Variants in TMED3 observed in about 807,000 individuals in gnomAD.
TMED3 encodes transmembrane p24 trafficking protein 3.
Under a neutral mutation model 15.0 loss-of-function variants are expected in TMED3, and 9 were observed. The observed-to-expected ratio is 0.60, with a 90% CI of 0.36 to 1.04. The LOEUF (loss-of-function observed/expected upper bound fraction) is 1.04. Among genes scored for constraint, TMED3 ranks in the 50% least tolerant of loss-of-function variants. The probability of loss-of-function intolerance (pLI) is 0.01; values close to 1 mark genes in which losing one functional copy is unlikely to be tolerated. For missense variants in TMED3, 267 were observed against 278.9 expected (o/e 0.96, Z 0.30); for synonymous variants, 117 against 121.4 (o/e 0.96, Z 0.24).
In TMED3 at chr15:79,332,138, C is replaced by T. The variant is rs148645339; in HGVS notation, c.417+18133C>T. 3.2e-4 allele frequency among the ~76,000 whole-genome samples: 48 copies of T among 152,268 alleles called. No individual in the cohort carries two copies. In the East Asian group the frequency reaches 7.5e-3, roughly 24 times the overall value. On this transcript the variant is annotated intron_variant, in intron 2 of 2. Transcript: ENST00000424155. ...ACCAAATGAAAAGTGAGGCAATAGC[C>T]GTAGCATCTGACAAAATAGAATTCA...
intron 2 of TMED3, among the ~76,000 whole-genome samples, chr15:79,363,841 A>G (rs966509165): frequency 6.6e-6 from 1 of 152,220 alleles, no homozygotes; most frequent in African/African-American, 2.4e-5. Context: ...TCGCAGCAAG[A>G]CAAAGTACGG....
intron 2 of TMED3, among the ~76,000 whole-genome samples, chr15:79,338,502 C>T (rs775879579): frequency 3.2e-4 from 49 of 152,142 alleles, no homozygotes; most frequent in Admixed American, 6.5e-4. Flanking sequence ...GCAAGCCACC[C>T]AGGTGCCGAG....
intron 2 of TMED3, among the ~76,000 whole-genome samples, chr15:79,319,102 T>C (rs1057385529): frequency 6.6e-6 from 1 of 152,168 alleles, no homozygotes; most frequent in Non-Finnish European, 1.5e-5. Context: ...GGGGGACAAA[T>C]AGGCTTGTTC....
chr15:79,408,381 A>G (rs1893929331), intron 2 of TMED3, among the ~76,000 whole-genome samples: 1 of 152,194 alleles, frequency 6.6e-6, no homozygotes, highest in South Asian at 2.1e-4. Context: ...TATAGCATCT[A>G]TGATCTGAGT....
chr15:79,351,141 A>C (rs748525460), intron 2 of TMED3, among the ~76,000 whole-genome samples: 2 of 152,230 alleles, frequency 1.3e-5, no homozygotes, highest in Non-Finnish European at 2.9e-5. Flanking sequence ...AGTTGCCATC[A>C]TGATAGGAGG....
At chr15:79,394,982 CTG>C (rs1276139300) in intron 2 of TMED3, among the ~76,000 whole-genome samples, 1 of 152,274 alleles carries the variant, frequency 6.6e-6, no homozygotes, top group Non-Finnish European at 1.5e-5. Flanking sequence ...TTATAAAGCA[CTG>C]TGTTATAGGC....
chr15:79,382,885 G>A, intron 2 of TMED3: 1 of 1,341,940 alleles, frequency 7.5e-7, no homozygotes, highest in Non-Finnish European at 1.0e-6. Context: ...TCATACTATT[G>A]TTCTTACCAA....
At chr15:79,320,832 T>A (rs1297058847) in intron 2 of TMED3, among the ~76,000 whole-genome samples, 1 of 152,190 alleles carries the variant, frequency 6.6e-6, no homozygotes, top group Non-Finnish European at 1.5e-5. Flanking sequence ...GTTGGCCAGA[T>A]TCTTTGGGGT....
chr15:79,311,522 C>T, intron 1 of TMED3, 105 bp downstream of exon 1: 1 of 1,373,446 alleles, frequency 7.3e-7, no homozygotes, highest in Non-Finnish European at 9.7e-7. Context: ...CCACAGGCTA[C>T]AGGGAGGCTG....
intron 2 of TMED3, among the ~76,000 whole-genome samples, chr15:79,352,998 T>C (rs1399640479): frequency 1.1e-4 from 12 of 113,924 alleles, no homozygotes; most frequent in Non-Finnish European, 1.8e-4. Context: ...TATTATGTTA[T>C]ATAAAATATA....
Position 79,409,799 on chromosome 15 carries a change from G to T in TMED3, c.418-1601G>T, listed in dbSNP as rs1429349170. Among the ~76,000 whole-genome samples the T allele has an allele frequency of 3.3e-5, 5 of 152,200 alleles. No homozygotes were observed. In the East Asian group the frequency reaches 9.7e-4, roughly 29 times the overall value. On this transcript the variant is annotated intron_variant, in intron 2 of 2. Coordinates refer to the TMED3 transcript ENST00000424155. ...GTGAAATTTTGTTAATAGTGAAGAGGCCAAGGTTCTAGTTTGGCTGCAGCA... is the reference window on the plus strand; with the variant it reads ...GTGAAATTTTGTTAATAGTGAAGAGTCCAAGGTTCTAGTTTGGCTGCAGCA...
At chr15:79,380,594 T>TAG (rs1288458197) in intron 2 of TMED3, among the ~76,000 whole-genome samples, 8 of 140,064 alleles carry the variant, frequency 5.7e-5, no homozygotes, top group South Asian at 2.2e-4. Context: ...TATATATATA[T>TAG]ATATATAGAG....
intron 2 of TMED3, among the ~76,000 whole-genome samples, chr15:79,387,078 C>A (rs1366123288): frequency 1.3e-5 from 2 of 152,066 alleles, no homozygotes; most frequent in African/African-American, 2.4e-5. Flanking sequence ...CAGTTGCATG[C>A]CACCATGCCT....
chr15:79,320,576 G>A (rs1177797970), intron 2 of TMED3, among the ~76,000 whole-genome samples: 1 of 152,040 alleles, frequency 6.6e-6, no homozygotes, highest in Non-Finnish European at 1.5e-5. Context: ...TTGGAGTTTG[G>A]GAACTGAAGT....
chr15:79,373,754 G>A (rs1373192268), intron 2 of TMED3, among the ~76,000 whole-genome samples: 8 of 152,264 alleles, frequency 5.3e-5, no homozygotes, highest in Non-Finnish European at 8.8e-5. Flanking sequence ...TTTATACAGG[G>A]GAAACATAAT....
exon 3 of TMED3, chr15:79,412,440 G>T (rs1893999541): frequency 6.6e-6 from 1 of 152,348 alleles, no homozygotes; most frequent in African/African-American, 2.4e-5. Flanking sequence ...ACTGCTGCTG[G>T]AGTGAAACTA....
intron 2 of TMED3, among the ~76,000 whole-genome samples, chr15:79,375,572 G>A (rs570319075): frequency 6.6e-6 from 1 of 152,298 alleles, no homozygotes; most frequent in Admixed American, 6.5e-5. Context: ...ACCATTCATG[G>A]TGGAAGGCAA....
At chr15:79,328,541 G>A (rs2058795789) in intron 2 of TMED3, among the ~76,000 whole-genome samples, 1 of 152,216 alleles carries the variant, frequency 6.6e-6, no homozygotes. Flanking sequence ...AATGGGCTGG[G>A]TTTGCATTGC....
In TMED3 at chr15:79,311,251, T is replaced by TG. The variant is rs1443947244; in HGVS notation, c.5dup (p.Ser3_?2). 17 of 1,598,374 alleles carry TG rather than the reference T, an allele frequency of 1.1e-5. No individual in the cohort carries two copies. The highest frequency in any genetic ancestry group is 1.4e-5 in the Non-Finnish European group (17 of 1,175,120). ...CCTCGAGACGGGACCGAGAGCATCA[T>TG]GGGCAGCACTGTCCCGCGCTCCGCC... On this transcript the variant is annotated frameshift_variant and start_lost, in exon 1 of 3. Transcript: ENST00000299705. LOFTEE classifies it high-confidence loss of function.
Sources: gnomAD v4.1 joint callset for allele counts (sites outside exome capture counted in the v4.1 genomes callset) on GRCh38, gnomAD v4.1.1 for gene constraint, MANE v1.5 for transcripts, NCBI Gene and HGNC (gene_info 2026-07-23, HGNC 2026-07-21) for gene names.